The following L3MBTL4 variants were observed in gnomAD, a reference collection of about 807,000 sequenced individuals.
The protein encoded by L3MBTL4 is lethal(3)malignant brain tumor-like protein 4.
A neutral mutation model predicts 84.5 loss-of-function variants in L3MBTL4; 70 were observed. That is an observed-to-expected ratio of 0.83 (90% CI 0.68 to 1.01). The LOEUF is 1.01. Ranked by LOEUF, L3MBTL4 falls within the 50% of genes least tolerant of loss-of-function variation. The pLI, the probability that L3MBTL4 is intolerant of heterozygous loss-of-function variation, is 0.00. For missense variants in L3MBTL4, 715 were observed against 754.8 expected (o/e 0.95, Z 0.62); for synonymous variants, 274 against 259.8 (o/e 1.05, Z -0.52).
intron 16 of L3MBTL4, among the ~76,000 whole-genome samples, chr18:6,026,248 T>C (rs1260302594): frequency 2.0e-5 from 3 of 152,222 alleles, no homozygotes; most frequent in South Asian, 4.1e-4. Context: ...GCTTGGTATA[T>C]AGAATTTAAA....
intron 5 of L3MBTL4, among the ~76,000 whole-genome samples, 183 bp downstream of exon 5, chr18:6,263,764 C>T (rs28584080): frequency 0.016 from 2,386 of 152,248 alleles, 49 homozygotes; most frequent in African/African-American, 0.054. Context: ...TGGCAGGTGG[C>T]GGCGCCGGGC....
intron 13 of L3MBTL4, among the ~76,000 whole-genome samples, chr18:6,162,744 C>A (rs1003597876): frequency 3.7e-4 from 57 of 152,158 alleles, no homozygotes; most frequent in African/African-American, 1.3e-3. Context: ...GCCTCCATGC[C>A]ACACAGGCAT....
At position 6,150,141 on chromosome 18, in the gene L3MBTL4, C is replaced by T. The variant is rs141923368; in HGVS notation, c.1097-11845G>A. 3.5e-4 allele frequency among the ~76,000 whole-genome samples: 54 copies of T among 152,194 alleles called. 1 individual carries two copies. The highest frequency in any genetic ancestry group is 7.5e-4 in the African/African-American group (31 of 41,522). The stretch of plus-strand genomic sequence containing the variant: ...CATTGATGGTGTCACATACAATTTT[C>T]GGACTAAAAATGTCAAGCTGGTTAG... On this transcript the variant is annotated intron_variant, in intron 13 of 18. Coordinates refer to ENST00000317931, the MANE Select transcript of L3MBTL4 (RefSeq NM_001330559.2).
intron 16 of L3MBTL4, among the ~76,000 whole-genome samples, chr18:6,047,021 A>G (rs142153802): frequency 6.6e-6 from 1 of 152,264 alleles, no homozygotes; most frequent in East Asian, 1.9e-4. Flanking sequence ...TTAACAAAGA[A>G]ACAGAAAATC....
chr18:6,240,515 AT>A (rs1176450831), intron 8 of L3MBTL4, among the ~76,000 whole-genome samples: 1 of 152,002 alleles, frequency 6.6e-6, no homozygotes. Context: ...ATGATTTACA[AT>A]AACATAACAA....
intron 1 of L3MBTL4, among the ~76,000 whole-genome samples, chr18:6,384,279 A>G (rs1363834921): frequency 2.0e-5 from 3 of 152,134 alleles, no homozygotes; most frequent in Admixed American, 2.0e-4. Context: ...ACACTCATAT[A>G]TATACATATA....
chr18:6,069,314 G>A (rs2057501557), intron 16 of L3MBTL4, among the ~76,000 whole-genome samples: 1 of 152,214 alleles, frequency 6.6e-6, no homozygotes, highest in Non-Finnish European at 1.5e-5. Flanking sequence ...CTACCTAGAG[G>A]TGCTTAATGG....
chr18:6,400,715 G>T (rs114007492), intron 1 of L3MBTL4, among the ~76,000 whole-genome samples: 4 of 152,100 alleles, frequency 2.6e-5, no homozygotes, highest in Non-Finnish European at 5.9e-5. Flanking sequence ...CCCGGCACAG[G>T]ATTTTGTAAA....
intron 16 of L3MBTL4, among the ~76,000 whole-genome samples, chr18:5,987,964 G>T (rs1366088440): frequency 6.6e-6 from 1 of 151,856 alleles, no homozygotes; most frequent in Non-Finnish European, 1.5e-5. Context: ...CTCTGCTAAT[G>T]CATATTACAA....
intron 16 of L3MBTL4, among the ~76,000 whole-genome samples, chr18:6,013,709 T>C (rs1051793884): frequency 8.5e-5 from 13 of 152,212 alleles, no homozygotes; most frequent in Admixed American, 2.6e-4. Context: ...ATTTGCCATG[T>C]TTTTGATTAG....
intron 1 of L3MBTL4, among the ~76,000 whole-genome samples, chr18:6,386,950 T>C (rs1396365511): frequency 6.6e-6 from 1 of 151,886 alleles, no homozygotes; most frequent in Non-Finnish European, 1.5e-5. Flanking sequence ...CACTGAAGAG[T>C]CTGTAGCAGT....
intron 5 of L3MBTL4, chr18:6,260,728 C>T (rs2048362279): frequency 6.6e-6 from 1 of 152,138 alleles, no homozygotes; most frequent in Non-Finnish European, 1.5e-5. Context: ...GTTTTATTTT[C>T]AACATTTCGG....
intron 16 of L3MBTL4, among the ~76,000 whole-genome samples, chr18:6,054,349 C>A (rs1257311187): frequency 6.6e-6 from 1 of 152,046 alleles, no homozygotes; most frequent in East Asian, 1.9e-4. Flanking sequence ...TGGATTCAGT[C>A]CCTGGCTCCA....
At chr18:6,214,824 C>T (rs2046257494) in intron 11 of L3MBTL4, among the ~76,000 whole-genome samples, 1 of 152,134 alleles carries the variant, frequency 6.6e-6, no homozygotes, top group Non-Finnish European at 1.5e-5. Context: ...TTGGAAGTTG[C>T]CTTCTTAGCT....
chr18:6,219,249 C>G (rs926975692), intron 10 of L3MBTL4, among the ~76,000 whole-genome samples: 1 of 151,814 alleles, frequency 6.6e-6, no homozygotes, highest in Non-Finnish European at 1.5e-5. Flanking sequence ...GACTGAAAAC[C>G]CAGCGCATCC....
At chr18:5,996,761 T>C (rs910141552) in intron 16 of L3MBTL4, among the ~76,000 whole-genome samples, 7 of 152,256 alleles carry the variant, frequency 4.6e-5, no homozygotes, top group East Asian at 3.9e-4. Flanking sequence ...CAGTGGAGCA[T>C]TGAAGGGCAG....
At chr18:6,139,612 C>T (rs1013025162) in intron 13 of L3MBTL4, among the ~76,000 whole-genome samples, 2 of 152,048 alleles carry the variant, frequency 1.3e-5, no homozygotes, top group Non-Finnish European at 2.9e-5. Flanking sequence ...CTCTGACAAT[C>T]CCACACTTTC....
chr18:6,345,230 A>G lies in L3MBTL4; in HGVS notation c.-90-33174T>C, dbSNP rs796260961. Among the ~76,000 whole-genome samples the G allele has an allele frequency of 8.8e-4, 113 of 128,500 alleles. 1 individual carries two copies. The highest frequency in any genetic ancestry group is 2.7e-3 in the African/African-American group (75 of 27,558). 84.3% of individuals were successfully genotyped at this position (128,500 alleles called of 152,430 possible). ...TACTAAAATACAAAAAAAAAAAAAA[A>G]AAAAAAGAAAAAAAAAAAGAGCCGG... On this transcript the variant is annotated intron_variant, in intron 1 of 18. Coordinates refer to ENST00000317931, the MANE Select transcript of L3MBTL4 (RefSeq NM_001330559.2).
chr18:6,229,519 G>A (rs2046909146), intron 10 of L3MBTL4, among the ~76,000 whole-genome samples: 1 of 151,840 alleles, frequency 6.6e-6, no homozygotes, highest in African/African-American at 2.4e-5. Flanking sequence ...TGTTACCTGT[G>A]CCCTTGCTGT....
Sources: gnomAD v4.1 joint callset for allele counts (sites outside exome capture counted in the v4.1 genomes callset) on GRCh38, gnomAD v4.1.1 for gene constraint, MANE v1.5 for transcripts, NCBI Gene and HGNC (gene_info 2026-07-23, HGNC 2026-07-21) for gene names.